Variants in PRSS22 observed in about 807,000 individuals in gnomAD.
PRSS22 encodes the protein brain-specific serine protease 4.
A neutral mutation model predicts 28.0 loss-of-function variants in PRSS22; 26 were observed. That is an observed-to-expected ratio of 0.93 (90% confidence interval 0.68 to 1.29). The LOEUF (loss-of-function observed/expected upper bound fraction) is 1.29, where lower values mean the gene tolerates loss of function less well. Among genes scored for constraint, PRSS22 ranks in the 50% most tolerant of loss-of-function variants. The pLI, the probability that PRSS22 is intolerant of heterozygous loss-of-function variation, is 0.00. For synonymous variants in PRSS22, 217 were observed against 177.9 expected (o/e 1.22, Z -1.75); for missense variants, 444 against 422.1 (o/e 1.05, Z -0.46).
rs1394575808 is a variant in PRSS22 at position 2,856,022 on chromosome 16, G to A, written c.281+60C>T. ...GCAGAGCCTGTAAAGGGAGCCCAGG[G>A]CCTGGGGCACAAAGCCCAGGGCCTT... On this transcript the variant is annotated intron_variant, in intron 3 of 5. Coordinates refer to ENST00000161006, the MANE Select transcript of PRSS22 (RefSeq NM_022119.4). 5.7e-6 allele frequency: 9 copies of A among 1,579,456 alleles called. No homozygotes were observed. The East Asian group carries it at 1.1e-4, about 20-fold the overall frequency.
At chr16:2,856,754 A>G (rs2069461417) in intron 2 of PRSS22, 68 bp downstream of exon 2, 2 of 1,530,432 alleles carry the variant, frequency 1.3e-6, no homozygotes, top group Non-Finnish European at 1.8e-6. Flanking sequence ...GGGGACGGAC[A>G]CATAGACACT....
chr16:2,855,786 G>C lies in PRSS22; in HGVS notation c.347C>G (p.Ser116Cys). Residue 116 changes from serine (S) to cysteine (C), a missense_variant, in exon 4 of 6, where the codon TCT becomes TGT. By Grantham distance (112) the Ser-to-Cys change is moderately radical (BLOSUM62 -1). Coordinates refer to ENST00000161006, the MANE Select transcript of PRSS22 (RefSeq NM_022119.4). ...LGAWQLGNPG[S>C]RSQKVGVAWV... ...GGCAACACCCACCTTCTGGGACCGAGAGCCAGGGTTCCCCAGCTGCCAGGC... is the reference window on the plus strand; with the variant it reads ...GGCAACACCCACCTTCTGGGACCGACAGCCAGGGTTCCCCAGCTGCCAGGC... 6.2e-7 allele frequency: 1 copy of C among 1,614,054 alleles called. No individual in the cohort carries two copies. The highest frequency in any genetic ancestry group is 8.5e-7 in the Non-Finnish European group (1 of 1,180,022).
In PRSS22 at chr16:2,858,068, C is replaced by T; in HGVS notation, c.37G>A (p.Gly13Ser). ...VSGAPPALGGGCLGTFTSLLL... is the reference protein window; with the variant it reads ...VSGAPPALGGSCLGTFTSLLL... ...AGGGAGGTGAAGGTGCCGAGACAGC[C>T]CCCACCCAGGGCTGGGGGCGCTCCA... Residue 13 changes from glycine to serine, a missense_variant, in exon 1 of 6, where the codon GGC becomes AGC. By Grantham distance (56) the Gly-to-Ser change is moderately conservative. Coordinates refer to ENST00000161006, the MANE Select transcript of PRSS22 (RefSeq NM_022119.4). 1 of 1,276,798 alleles carries T rather than the reference C, an allele frequency of 7.8e-7. No individual in the cohort carries two copies. The highest frequency in any genetic ancestry group is 3.1e-5 in the East Asian group (1 of 32,216). The allele number at this position is 1,276,798 out of a possible 1,614,324, so 79.1% of individuals were successfully genotyped here.
chr16:2,857,705 A>G (rs1348506841), intron 1 of PRSS22: 5 of 243,170 alleles, frequency 2.1e-5, no homozygotes, highest in Non-Finnish European at 3.9e-5. Flanking sequence ...GGCAGGAACA[A>G]CACAAAACGG....
intron 2 of PRSS22, 52 bp downstream of exon 2, chr16:2,856,770 C>A: frequency 6.5e-7 from 1 of 1,547,750 alleles, no homozygotes; most frequent in Non-Finnish European, 8.7e-7. Flanking sequence ...ACACTGCCTG[C>A]GCGTGGGCCT....
chr16:2,856,903 G>C, intron 1 of PRSS22, 55 bp from the exon 2 acceptor site: 1 of 1,544,182 alleles, frequency 6.5e-7, no homozygotes, highest in South Asian at 1.2e-5. Context: ...GGACACAGTG[G>C]TGAGGGGCCC....
rs996483597 is a variant in PRSS22 at position 2,858,014 on chromosome 16, C to G, written c.82+9G>C. The G allele has an allele frequency of 5.5e-6, 7 of 1,273,096 alleles. No homozygotes were observed. The highest frequency in any genetic ancestry group is 7.0e-6 in the Non-Finnish European group (7 of 1,001,064). The allele number at this position is 1,273,096 out of a possible 1,614,324, so 78.9% of individuals were successfully genotyped here. A position where few individuals can be genotyped will look rare whatever the true frequency, so the allele number is the denominator to read the frequency against. Reference sequence around the variant, plus strand: ...AGAGGGAGGAGGGAGGAGCAGCCTCCGGACGTACCTGTCGACGCCAGCAGC... The same window carrying G: ...AGAGGGAGGAGGGAGGAGCAGCCTCGGGACGTACCTGTCGACGCCAGCAGC... On this transcript the variant is annotated intron_variant, in intron 1 of 5. Coordinates refer to ENST00000161006, the MANE Select transcript of PRSS22 (RefSeq NM_022119.4).
chr16:2,855,916 G>A, intron 3 of PRSS22, 65 bp from the exon 4 acceptor site: 3 of 1,557,844 alleles, frequency 1.9e-6, no homozygotes, highest in South Asian at 1.2e-5. Context: ...TGGGGGAACA[G>A]CATGGGTGTG....
rs1318559589 is a variant in PRSS22, at chr16:2,856,825, G to T, written c.106C>A (p.Pro36Thr). ...STAILNAARI[P>T]VPPACGKPQQ... ...CAGAGCTGCCAGCTCCACTCACCAG[G>T]TATCCTGGCCGCATTGAGGATGGCT... The change falls in exon 2 of 6, where the codon CCT becomes ACT. Residue 36 changes from proline (P) to threonine (T), a missense_variant. Coordinates refer to ENST00000161006, the MANE Select transcript of PRSS22 (RefSeq NM_022119.4). The T allele has an allele frequency of 6.4e-7, 1 of 1,552,014 alleles. No homozygotes were observed. Among genetic ancestry groups the T allele is most frequent in the Non-Finnish European group, 8.7e-7 (1 of 1,147,144 alleles).
Position 2,855,590 on chromosome 16 carries a change from C to T in PRSS22, c.543G>A (p.Gly181=). The T allele has an allele frequency of 6.2e-7, 1 of 1,613,988 alleles. No individual in the cohort carries two copies. Among genetic ancestry groups the T allele is most frequent in the Non-Finnish European group, 8.5e-7 (1 of 1,180,016 alleles). ...PNTHCWISGW[G]SIQDGVPLPH... ...AAGCCGCACCTCCATCTTGGATGCT[C>T]CCCCAGCCTGAGATCCAGCAGTGGG... Residue 181 remains glycine, a synonymous_variant, in exon 4 of 6, where the codon GGG becomes GGA. Coordinates refer to ENST00000161006, the MANE Select transcript of PRSS22 (RefSeq NM_022119.4).
Position 2,858,018 on chromosome 16 carries a change from CG to C in PRSS22, c.82+4del. ...GGAGGAGGGAGGAGCAGCCTCCGGA[CG>C]TACCTGTCGACGCCAGCAGCAGCAG... On this transcript the variant is annotated splice_donor_region_variant and intron_variant, in intron 1 of 5. Transcript: ENST00000161006. 1 of 1,278,150 alleles carries C rather than the reference CG, an allele frequency of 7.8e-7. No individual in the cohort carries two copies. The highest frequency in any genetic ancestry group is 1.0e-6 in the Non-Finnish European group (1 of 1,003,664). The allele number at this position is 1,278,150 out of a possible 1,614,324, so 79.2% of individuals were successfully genotyped here. A position where few individuals can be genotyped will look rare whatever the true frequency, so the allele number is the denominator to read the frequency against.
In PRSS22 at chr16:2,855,589, TC is replaced by T. The variant is rs1224709821; in HGVS notation, c.543del (p.Ser182AlafsTer17). 6.2e-7 allele frequency: 1 copy of T among 1,613,780 alleles called. No homozygotes were observed. The highest frequency in any genetic ancestry group is 1.7e-5 in the Admixed American group (1 of 59,982). On this transcript the variant is annotated frameshift_variant, in exon 4 of 6. Transcript: ENST00000161006. LOFTEE classifies it high-confidence loss of function. ...PNTHCWISGW[G>X]SIQDGVPLPH... ...GAAGCCGCACCTCCATCTTGGATGC[TC>T]CCCCAGCCTGAGATCCAGCAGTGGG...
chr16:2,857,990 G>C (rs774773339), intron 1 of PRSS22, 33 bp downstream of exon 1: 1 of 1,260,300 alleles, frequency 7.9e-7, no homozygotes, highest in South Asian at 3.4e-5. Flanking sequence ...GTGGAGGTGA[G>C]AGGGAGGAGG....
intron 1 of PRSS22, chr16:2,857,214 CCCCAGCGCCTAGTGAGGAGGGT>C (rs2069467970): frequency 5.8e-6 from 1 of 172,938 alleles, no homozygotes; most frequent in African/African-American, 4.0e-5. Flanking sequence ...GAGGAGGGCT[CCCCAGCGCCTAGTGAGGAGGGT>C]TCCCCAGCGC....
chr16:2,855,365 A>AAAAAAAAAAAG (rs1555473080), intron 4 of PRSS22, among the ~76,000 whole-genome samples: 2 of 134,584 alleles, frequency 1.5e-5, no homozygotes, highest in African/African-American at 5.8e-5. Flanking sequence ...AAAAAAAAAA[A>AAAAAAAAAAAG]AAGAAGAAGA....
Position 2,852,797 on chromosome 16 carries a change from A to G in PRSS22, c.*296T>C, listed in dbSNP as rs1297088162. The G allele has an allele frequency of 4.8e-6, 2 of 417,666 alleles. No individual in the cohort carries two copies. The highest frequency in any genetic ancestry group is 8.5e-6 in the Non-Finnish European group (2 of 236,508). 25.9% of individuals were successfully genotyped at this position (417,666 alleles called of 1,614,324 possible). On this transcript the variant is annotated 3_prime_UTR_variant, in exon 6 of 6. Transcript: ENST00000161006. Reference sequence around the variant, plus strand: ...TATGTGGGCAGGGTTACAAATACCTATAAAAATCATTAACATTTATATACA... The same window carrying G: ...TATGTGGGCAGGGTTACAAATACCTGTAAAAATCATTAACATTTATATACA...
intron 1 of PRSS22, 179 bp from the exon 2 acceptor site, chr16:2,857,027 G>A (rs1017148233): frequency 4.3e-6 from 3 of 700,980 alleles, no homozygotes; most frequent in Admixed American, 2.3e-5. Context: ...AGTGAGGAGG[G>A]GTCCCAGCAC....
rs536551659 is a variant in PRSS22, at chr16:2,853,842, G to T, written c.717+23C>A. 2 of 1,612,504 alleles carry T rather than the reference G, an allele frequency of 1.2e-6. No homozygotes were observed. Among genetic ancestry groups the T allele is most frequent in the South Asian group, 1.1e-5 (1 of 91,048 alleles). On this transcript the variant is annotated intron_variant, in intron 5 of 5. Coordinates refer to ENST00000161006, the MANE Select transcript of PRSS22 (RefSeq NM_022119.4). This position sits in a 1 kb window ranked among gnomAD's most constrained non-coding sequence, Gnocchi z 4.6. ...CTTCCCGAGGCCCTCCTGGCCAGGG[G>T]TGGGGGGCTCGAGGGAGCTCACCAG... is the stretch of plus-strand genomic sequence containing the variant.
At position 2,853,745 on chromosome 16, in the gene PRSS22, G is replaced by T; in HGVS notation, c.717+120C>A. On this transcript the variant is annotated intron_variant, in intron 5 of 5. Transcript: ENST00000161006. This position sits in a 1 kb window ranked among gnomAD's most constrained non-coding sequence, Gnocchi z 4.6. ...TTCTATGGGGACCCGGGACTGTCAG[G>T]CACAGCCAGTTCTGGGGAGGAGGCC... 1.7e-6 allele frequency: 2 copies of T among 1,147,612 alleles called. No homozygotes were observed. The highest frequency in any genetic ancestry group is 2.5e-6 in the Non-Finnish European group (2 of 816,008). 71.1% of individuals were successfully genotyped at this position (1,147,612 alleles called of 1,614,324 possible). A position where few individuals can be genotyped will look rare whatever the true frequency, so the allele number is the denominator to read the frequency against.
Sources: allele counts gnomAD v4.1 joint callset (sites outside exome capture counted in the v4.1 genomes callset), GRCh38; gene constraint gnomAD v4.1.1; non-coding constraint Gnocchi (gnomAD v3.1); transcripts MANE v1.5; gene names NCBI Gene and HGNC (gene_info 2026-07-23, HGNC 2026-07-21).